ERMP1: variants seen among roughly 807,000 people sequenced by gnomAD.
ERMP1 encodes endoplasmic reticulum metallopeptidase 1.
In ERMP1, 86 loss-of-function variants were observed where a neutral mutation model predicts 92.0. The observed-to-expected ratio is 0.93, with a 90% confidence interval of 0.79 to 1.12. The LOEUF is 1.12. ERMP1 is among the 50% of genes most tolerant of loss of function. The pLI is 0.00. For synonymous variants in ERMP1, 530 were observed against 412.8 expected, an observed-to-expected ratio of 1.28 and a Z score of -3.44; for missense variants, 1,342 against 1,116.3, an observed-to-expected ratio of 1.20 and a Z score of -2.88.
chr9:5,859,677 C>T (rs1447786294), intron 5 of ERMP1, among the ~76,000 whole-genome samples: 3 of 152,138 alleles, frequency 2.0e-5, no homozygotes, highest in African/African-American at 7.2e-5. Flanking sequence ...CCAACTTACC[C>T]ATAACTATTT....
intron 4 of ERMP1, among the ~76,000 whole-genome samples, chr9:5,815,863 A>G (rs1189894966): frequency 1.3e-5 from 2 of 152,182 alleles, no homozygotes; most frequent in Non-Finnish European, 2.9e-5. Flanking sequence ...CAAATACAAA[A>G]GGAAAAAGAA....
intron 6 of ERMP1, among the ~76,000 whole-genome samples, chr9:5,850,405 C>CAAAA (rs59464514): frequency 0.2 from 7,814 of 39,980 alleles, 1,376 homozygotes; most frequent in East Asian, 0.45. Flanking sequence ...AACTCCGTCT[C>CAAAA]AAAAAAAAAA....
At chr9:5,800,260 T>G (rs189148790) in intron 11 of ERMP1, among the ~76,000 whole-genome samples, 1 of 152,290 alleles carries the variant, frequency 6.6e-6, no homozygotes, top group Admixed American at 6.5e-5. Context: ...TGAGAACTTT[T>G]AAAAACAATT....
intron 3 of ERMP1, 64 bp from the exon 4 acceptor site, chr9:5,824,065 G>C (rs952834790): frequency 1.5e-6 from 2 of 1,354,068 alleles, no homozygotes; most frequent in Non-Finnish European, 2.1e-6. Context: ...TCTTGATTTT[G>C]CTTAAACACA....
rs557536901 is a variant in ERMP1, at chr9:5,832,512, G to A, written c.338+178C>T. 59 of 503,888 alleles carry A rather than the reference G, an allele frequency of 1.2e-4. No homozygotes were observed. The South Asian group carries it at 1.6e-3, about 14-fold the overall frequency. 31.2% of individuals were successfully genotyped at this position (503,888 alleles called of 1,614,324 possible). A position where few individuals can be genotyped will look rare whatever the true frequency, so the allele number is the denominator to read the frequency against. On this transcript the variant is annotated intron_variant, in intron 1 of 14. Transcript: ENST00000339450. The stretch of plus-strand genomic sequence containing the variant: ...GGGGACAGGCAAGCCCCAAGTCCCG[G>A]CAATTCAGACCCCAGAAGAAGGACA...
intron 2 of ERMP1, among the ~76,000 whole-genome samples, chr9:5,826,197 C>T (rs1296313009): frequency 3.3e-5 from 5 of 152,176 alleles, no homozygotes; most frequent in Non-Finnish European, 7.3e-5. Context: ...AACAATTCTG[C>T]TTTTGAATAT....
chr9:5,800,844 G>C (rs533661807), intron 11 of ERMP1, among the ~76,000 whole-genome samples: 4 of 152,212 alleles, frequency 2.6e-5, no homozygotes, highest in South Asian at 2.1e-4. Flanking sequence ...TACTCAGCCT[G>C]TATACATTTT....
At chr9:5,863,479 G>C (rs568513116) in intron 5 of ERMP1, among the ~76,000 whole-genome samples, 1 of 152,294 alleles carries the variant, frequency 6.6e-6, no homozygotes, top group African/African-American at 2.4e-5. Flanking sequence ...AGAGGGCAAA[G>C]CCTGCCCTAC....
intron 4 of ERMP1, among the ~76,000 whole-genome samples, chr9:5,814,845 T>C (rs945952560): frequency 4.6e-5 from 7 of 152,198 alleles, no homozygotes; most frequent in African/African-American, 1.7e-4. Flanking sequence ...AAAATAATTA[T>C]GATTAATATG....
intron 6 of ERMP1, among the ~76,000 whole-genome samples, chr9:5,851,092 T>G (rs1830302861): frequency 6.6e-6 from 1 of 152,204 alleles, no homozygotes; most frequent in South Asian, 2.1e-4. Context: ...ATGTTAGCCC[T>G]TTTAGGCCCA....
upstream of ERMP1, among the ~76,000 whole-genome samples, chr9:5,836,254 T>C (rs992440399): frequency 6.6e-6 from 1 of 152,228 alleles, no homozygotes; most frequent in African/African-American, 2.4e-5. Context: ...CAATTTGCCG[T>C]AGAAGAAAAC....
At chr9:5,835,043 A>G (rs955456330), upstream of ERMP1, among the ~76,000 whole-genome samples, 11 of 149,304 alleles carry the variant, frequency 7.4e-5, no homozygotes, top group African/African-American at 2.7e-4. Flanking sequence ...CTCACATAAG[A>G]TTCTCATTAA....
Position 5,833,106 on chromosome 9 carries a change from G to GT in ERMP1, c.-80_-79insA, listed in dbSNP as rs2129711252. 5.5e-6 allele frequency: 7 copies of GT among 1,270,038 alleles called. No individual in the cohort carries two copies. The highest frequency in any genetic ancestry group is 6.2e-6 in the Non-Finnish European group (6 of 974,024). 78.7% of individuals were successfully genotyped at this position (1,270,038 alleles called of 1,614,324 possible). A position where few individuals can be genotyped will look rare whatever the true frequency, so the allele number is the denominator to read the frequency against. ...CGCCGCCGACGCCGCCGTCGCTGCC[G>GT]CAGCGCCTCCTAGTGAGCGGACGGA... On this transcript the variant is annotated 5_prime_UTR_variant, in exon 1 of 15. Transcript: ENST00000339450.
intron 5 of ERMP1, among the ~76,000 whole-genome samples, chr9:5,863,312 C>A (rs372657677): frequency 1.5e-4 from 23 of 152,294 alleles, no homozygotes; most frequent in Middle Eastern, 3.4e-3. Flanking sequence ...TTAAAGTAGA[C>A]GATGCCAGAA....
At chr9:5,812,694 T>C (rs1829142089) in intron 5 of ERMP1, 195 bp downstream of exon 5, 2 of 639,426 alleles carry the variant, frequency 3.1e-6, no homozygotes, top group East Asian at 5.8e-5. Flanking sequence ...GATGACATAT[T>C]TTAGAGGAGG....
At chr9:5,842,071 C>T (rs1484479703) in intron 6 of ERMP1, among the ~76,000 whole-genome samples, 4 of 151,916 alleles carry the variant, frequency 2.6e-5, no homozygotes, top group African/African-American at 7.3e-5. Flanking sequence ...GTAGTGCGGA[C>T]CCAAAGAGTG....
At chr9:5,829,806 C>G (rs1829870771) in intron 2 of ERMP1, among the ~76,000 whole-genome samples, 1 of 152,214 alleles carries the variant, frequency 6.6e-6, no homozygotes. Context: ...GATGCCATCT[C>G]AGGTCTTGTC....
At chr9:5,818,589 C>T (rs1829409935) in intron 4 of ERMP1, among the ~76,000 whole-genome samples, 1 of 151,922 alleles carries the variant, frequency 6.6e-6, no homozygotes, top group Admixed American at 6.6e-5. Flanking sequence ...GTGGCACGTG[C>T]CTGTCATCCC....
At chr9:5,811,478 G>A (rs942605377) in intron 6 of ERMP1, among the ~76,000 whole-genome samples, 155 bp from the exon 7 acceptor site, 8 of 152,086 alleles carry the variant, frequency 5.3e-5, no homozygotes, top group Non-Finnish European at 1.0e-4. Context: ...AACAGAAATC[G>A]CTTTCTACCA....
Sources: allele counts gnomAD v4.1 joint callset (sites outside exome capture counted in the v4.1 genomes callset), GRCh38; gene constraint gnomAD v4.1.1; transcripts MANE v1.5; gene names NCBI Gene and HGNC (gene_info 2026-07-23, HGNC 2026-07-21).